Variants in RARB observed in about 807,000 individuals in gnomAD.
RARB encodes HBV-activated protein.
Under a neutral mutation model 51.9 loss-of-function variants are expected in RARB, and 17 were observed. That is an observed-to-expected ratio of 0.33 (90% CI 0.22 to 0.49). RARB has a LOEUF of 0.49. Ranked by LOEUF, RARB falls within the 20% of genes least tolerant of loss-of-function variation. The pLI is 0.99. For missense variants in RARB, 369 were observed against 550.8 expected (o/e 0.67, Z 3.30); for synonymous variants, 215 against 195.4 (o/e 1.10, Z -0.84).
intron 2 of RARB, among the ~76,000 whole-genome samples, chr3:25,495,842 A>G (rs750188087): frequency 1.3e-5 from 2 of 152,186 alleles, no homozygotes; most frequent in Non-Finnish European, 2.9e-5. Context: ...AACCAACAAG[A>G]ATTAGGATTA....
At chr3:25,162,053 C>A (rs1302478089) in intron 4 of RARB, among the ~76,000 whole-genome samples, 1 of 152,156 alleles carries the variant, frequency 6.6e-6, no homozygotes, top group East Asian at 1.9e-4. Context: ...ATCCCAACCC[C>A]AGGAATGGGT....
intron 3 of RARB, among the ~76,000 whole-genome samples, chr3:25,544,947 T>TTTGTTGTTGTTG (rs10674681): frequency 2.0e-5 from 3 of 151,708 alleles, no homozygotes; most frequent in African/African-American, 7.3e-5. Context: ...GTCTGTACAT[T>TTTGTTGTTGTTG]TTGTTGTTGT....
intron 5 of RARB, among the ~76,000 whole-genome samples, chr3:25,305,095 C>T (rs577604236): frequency 3.9e-5 from 6 of 152,254 alleles, no homozygotes; most frequent in African/African-American, 1.4e-4. Flanking sequence ...AGCCCATCCT[C>T]TACACCACTG....
chr3:25,346,451 A>G (rs1426467765), intron 5 of RARB, among the ~76,000 whole-genome samples: 1 of 152,234 alleles, frequency 6.6e-6, no homozygotes, highest in Non-Finnish European at 1.5e-5. Flanking sequence ...ATGATTAAAA[A>G]TTGATGGCTA....
chr3:24,917,369 C>G (rs1054106441), intron 2 of RARB, among the ~76,000 whole-genome samples: 5 of 152,118 alleles, frequency 3.3e-5, no homozygotes, highest in African/African-American at 1.2e-4. Context: ...GTAAAAAAGA[C>G]AGATCACAGG....
intron 5 of RARB, among the ~76,000 whole-genome samples, chr3:25,238,459 G>T (rs1247965571): frequency 6.6e-6 from 1 of 152,172 alleles, no homozygotes; most frequent in African/African-American, 2.4e-5. Context: ...GAATAGTGCT[G>T]CAGTAAACAT....
Position 24,958,255 on chromosome 3 carries a change from GTTTTTTTTTTTTTTTTTTT to G in RARB, c.-380+99519_-380+99537del, listed in dbSNP as rs71057692. On this transcript the variant is annotated intron_variant, in intron 2 of 11. Coordinates refer to the RARB transcript ENST00000383772. ...ACCTGAAGCTTCCTGAGCTGCTCAG[GTTTTTTTTTTTTTTTTTTT>G]TTTTTTTTTTTTTTTAGCTGTCATG... is the stretch of plus-strand genomic sequence containing the variant. 8.5e-4 allele frequency among the ~76,000 whole-genome samples: 59 copies of G among 69,474 alleles called. 1 individual carries two copies. The highest frequency in any genetic ancestry group is 1.6e-3 in the Non-Finnish European group (53 of 33,308). The allele number at this position is 69,474 out of a possible 152,430, so 45.6% of individuals were successfully genotyped here. A position where few individuals can be genotyped will look rare whatever the true frequency, so the allele number is the denominator to read the frequency against.
intron 5 of RARB, among the ~76,000 whole-genome samples, chr3:25,393,149 T>C (rs1390431764): frequency 6.6e-6 from 1 of 152,156 alleles, no homozygotes; most frequent in Non-Finnish European, 1.5e-5. Flanking sequence ...GAGATGACCA[T>C]GTCATTGTTG....
chr3:25,118,599 G>T (rs968598038), intron 3 of RARB, among the ~76,000 whole-genome samples: 1 of 152,174 alleles, frequency 6.6e-6, no homozygotes, highest in Non-Finnish European at 1.5e-5. Flanking sequence ...TCCTTGAGAA[G>T]TACATGGAGG....
rs1215899813 is a variant in RARB at position 25,253,766 on chromosome 3, T to C, written c.178+79191T>C. 2.0e-5 allele frequency among the ~76,000 whole-genome samples: 3 copies of C among 152,198 alleles called. No homozygotes were observed. The East Asian group carries it at 5.8e-4, about 29-fold the overall frequency. On this transcript the variant is annotated intron_variant, in intron 5 of 11. Transcript: ENST00000383772. The stretch of plus-strand genomic sequence containing the variant: ...GAGTTATCAGTTGTCAATAAGGCTA[T>C]AAAGGTTACATTATTTGAAGCGTAC...
intron 2 of RARB, among the ~76,000 whole-genome samples, chr3:24,930,717 G>A (rs1695420261): frequency 6.6e-6 from 1 of 152,012 alleles, no homozygotes; most frequent in Non-Finnish European, 1.5e-5. Context: ...TAATAAAAAT[G>A]AGGAGACCTG....
intron 1 of RARB, among the ~76,000 whole-genome samples, chr3:25,445,914 G>A (rs1231950814): frequency 2.6e-5 from 4 of 152,156 alleles, no homozygotes; most frequent in African/African-American, 9.7e-5. Context: ...CCATGAGAGT[G>A]CATTTCATTT....
At position 25,562,288 on chromosome 3, in the gene RARB, A is replaced by G. The variant is rs1700305559; in HGVS notation, c.449-7470A>G. ...TTTAAAAACAAGGTGAATTGATCAT[A>G]CAGTAAGTGTGTGAGTTTATTCCTG... On this transcript the variant is annotated intron_variant, in intron 3 of 7. Coordinates refer to ENST00000330688, the MANE Select transcript of RARB (RefSeq NM_000965.5). 2.0e-5 allele frequency among the ~76,000 whole-genome samples: 3 copies of G among 151,972 alleles called. No homozygotes were observed. In the East Asian group the frequency reaches 5.8e-4, roughly 29 times the overall value.
rs961739823 is a variant in RARB at position 25,340,395 on chromosome 3, G to T, written c.179-120798G>T. Among the ~76,000 whole-genome samples the T allele has an allele frequency of 4.9e-4, 75 of 152,068 alleles. 1 individual carries two copies. Among genetic ancestry groups the T allele is most frequent in the Admixed American group, 2.6e-4 (4 of 15,252 alleles). ...TAACCATCCCTTCATGCTAAGCCCT[G>T]TTTTCTTTAAAATTTTGAGTCCATT... On this transcript the variant is annotated intron_variant, in intron 5 of 11. Coordinates refer to the RARB transcript ENST00000383772.
chr3:25,522,475 A>G (rs1019821449), intron 3 of RARB, among the ~76,000 whole-genome samples: 4 of 152,168 alleles, frequency 2.6e-5, no homozygotes, highest in African/African-American at 7.2e-5. Context: ...TTTATTTAGC[A>G]GTAAGGTTTC....
chr3:24,849,237 C>G (rs1352447478), intron 1 of RARB, among the ~76,000 whole-genome samples: 1 of 152,196 alleles, frequency 6.6e-6, no homozygotes, highest in Non-Finnish European at 1.5e-5. Flanking sequence ...AATGTAGTCT[C>G]TCTCAAAATA....
chr3:25,157,739 G>T (rs556268895), intron 4 of RARB, among the ~76,000 whole-genome samples: 6 of 152,142 alleles, frequency 3.9e-5, no homozygotes, highest in Non-Finnish European at 8.8e-5. Context: ...TCACAAATTT[G>T]TGTGCTAAGT....
intron 5 of RARB, among the ~76,000 whole-genome samples, chr3:25,364,792 C>T (rs1028696294): frequency 6.6e-6 from 1 of 152,202 alleles, no homozygotes; most frequent in Non-Finnish European, 1.5e-5. Flanking sequence ...CAATTTATTT[C>T]TGTCTTCCTT....
At chr3:24,935,621 C>T (rs1488654763) in intron 2 of RARB, among the ~76,000 whole-genome samples, 1 of 152,148 alleles carries the variant, frequency 6.6e-6, no homozygotes, top group African/African-American at 2.4e-5. Context: ...GCTGATTTTT[C>T]ACAATCCCTA....
Sources: gnomAD v4.1 joint callset for allele counts (sites outside exome capture counted in the v4.1 genomes callset) on GRCh38, gnomAD v4.1.1 for gene constraint, MANE v1.5 for transcripts, NCBI Gene and HGNC (gene_info 2026-07-23, HGNC 2026-07-21) for gene names.